Variants in CHST9 observed in about 807,000 individuals in gnomAD.
CHST9 encodes the protein GalNAc-4-sulfotransferase 2.
In CHST9, 41 loss-of-function variants were observed where a neutral mutation model predicts 44.4. The observed-to-expected ratio is 0.92, with a 90% CI of 0.72 to 1.20. The LOEUF (loss-of-function observed/expected upper bound fraction) is 1.20, where lower values mean the gene tolerates loss of function less well. CHST9 is among the 50% of genes most tolerant of loss of function. CHST9 has a pLI of 0.00. For missense variants in CHST9, 504 were observed against 516.5 expected, an observed-to-expected ratio of 0.98 and a Z score of 0.23; for synonymous variants, 171 against 178.4, an observed-to-expected ratio of 0.96 and a Z score of 0.33.
chr18:26,994,647 T>G (rs1168995582), intron 4 of CHST9, among the ~76,000 whole-genome samples: 1 of 152,116 alleles, frequency 6.6e-6, no homozygotes, highest in African/African-American at 2.4e-5. Flanking sequence ...TGAAGTGCAG[T>G]GGTGCAACCT....
At chr18:26,978,281 G>A (rs936792713) in intron 4 of CHST9, among the ~76,000 whole-genome samples, 8 of 133,568 alleles carry the variant, frequency 6.0e-5, no homozygotes, top group South Asian at 2.3e-4. Flanking sequence ...GTGTGAGTGT[G>A]TGTATGTGTG....
chr18:27,135,941 C>T (rs944933731), intron 2 of CHST9, among the ~76,000 whole-genome samples: 2 of 152,184 alleles, frequency 1.3e-5, no homozygotes, highest in African/African-American at 4.8e-5. Context: ...CTGCTTTCCA[C>T]ATTTTGGGTA....
chr18:27,157,621 A>G lies in CHST9; in HGVS notation c.-96-14716T>C, dbSNP rs139001254. On this transcript the variant is annotated intron_variant, in intron 1 of 5. Coordinates refer to ENST00000618847, the MANE Select transcript of CHST9 (RefSeq NM_031422.6). ...TATCTACTGACAAGAAACGTATAGG[A>G]AGCGCTTAAGGCATTTTCAAAAACC... Among the ~76,000 whole-genome samples the G allele has an allele frequency of 5.8e-3, 886 of 152,262 alleles. 12 individuals carry two copies. Among genetic ancestry groups the G allele is most frequent in the African/African-American group, 0.02 (838 of 41,564 alleles).
At chr18:27,104,632 A>G (rs2058204900) in intron 2 of CHST9, among the ~76,000 whole-genome samples, 1 of 152,172 alleles carries the variant, frequency 6.6e-6, no homozygotes, top group Admixed American at 6.5e-5. Flanking sequence ...CCTTTGGCTA[A>G]GCTGTTGATT....
At chr18:27,036,981 T>C (rs867744493) in intron 3 of CHST9, among the ~76,000 whole-genome samples, 16 of 152,126 alleles carry the variant, frequency 1.1e-4, no homozygotes, top group African/African-American at 3.9e-4. Flanking sequence ...CTAAATTTTG[T>C]CTTCAAGTCT....
chr18:26,975,645 G>GTA (rs2056608386), intron 4 of CHST9, among the ~76,000 whole-genome samples: 1 of 38,716 alleles, frequency 2.6e-5, no homozygotes, highest in Non-Finnish European at 5.0e-5. Flanking sequence ...TCCAATGTAT[G>GTA]TGTGTATATA....
chr18:27,089,939 T>C (rs1210225750), intron 2 of CHST9, among the ~76,000 whole-genome samples: 1 of 151,540 alleles, frequency 6.6e-6, no homozygotes, highest in Admixed American at 6.6e-5. Flanking sequence ...GCCTCCCCAG[T>C]AGCTGGGACT....
intron 5 of CHST9, among the ~76,000 whole-genome samples, chr18:26,931,929 G>T (rs551768233): frequency 6.6e-6 from 1 of 151,690 alleles, no homozygotes. Flanking sequence ...GCTCCAAAAT[G>T]GTATGTCTCT....
At chr18:26,963,159 G>A (rs1192615157) in intron 4 of CHST9, among the ~76,000 whole-genome samples, 1 of 152,148 alleles carries the variant, frequency 6.6e-6, no homozygotes, top group Non-Finnish European at 1.5e-5. Flanking sequence ...GGGGTCATAT[G>A]TGAACCCAAG....
intron 4 of CHST9, among the ~76,000 whole-genome samples, chr18:26,952,842 A>G (rs1043660841): frequency 3.3e-4 from 51 of 152,312 alleles, no homozygotes; most frequent in Middle Eastern, 3.4e-3. Flanking sequence ...GCAGAGAGAA[A>G]TAAGTGAAGA....
chr18:26,962,165 A>G (rs190065395), intron 4 of CHST9, among the ~76,000 whole-genome samples: 15 of 152,298 alleles, frequency 9.8e-5, no homozygotes, highest in Admixed American at 5.9e-4. Flanking sequence ...TCTAGTTCCC[A>G]TAACTGTTCA....
intron 2 of CHST9, among the ~76,000 whole-genome samples, chr18:27,090,976 T>A (rs775841978): frequency 7.9e-5 from 12 of 152,224 alleles, no homozygotes; most frequent in Non-Finnish European, 1.6e-4. Context: ...TTTCCAAATC[T>A]GTGAAGAAAG....
chr18:27,128,752 G>A (rs937997699), intron 2 of CHST9, among the ~76,000 whole-genome samples: 1 of 152,198 alleles, frequency 6.6e-6, no homozygotes, highest in Admixed American at 6.5e-5. Flanking sequence ...TGACTGTGTA[G>A]TATGATTAGT....
At position 27,149,095 on chromosome 18, in the gene CHST9, T is replaced by G. The variant is rs2143891640; in HGVS notation, c.-96-6190A>C. ...CTGTTCATATCCTTCACCCACTTTT[T>G]GATGGGGTTGTTTGTTTTTTTCTTG... is the stretch of plus-strand genomic sequence containing the variant. On this transcript the variant is annotated intron_variant, in intron 1 of 5. Coordinates refer to ENST00000618847, the MANE Select transcript of CHST9 (RefSeq NM_031422.6). Among the ~76,000 whole-genome samples, 2 of 128,820 alleles carry G rather than the reference T, an allele frequency of 1.6e-5. 1 individual carries two copies. The highest frequency in any genetic ancestry group is 9.1e-3 in the Middle Eastern group (2 of 220). 84.5% of individuals were successfully genotyped at this position (128,820 alleles called of 152,430 possible).
intron 4 of CHST9, among the ~76,000 whole-genome samples, chr18:27,015,323 TTGTGTGTGTGTGTGTGTGTGTG>T (rs10690815): frequency 6.8e-6 from 1 of 146,344 alleles, no homozygotes; most frequent in Non-Finnish European, 1.5e-5. Context: ...AGAGAGGCAG[TTGTGTGTGTGTGTGTGTGTGTG>T]TGTGTGTGTG....
chr18:27,125,050 T>C (rs1408693183), intron 2 of CHST9, among the ~76,000 whole-genome samples: 1 of 152,222 alleles, frequency 6.6e-6, no homozygotes, highest in Non-Finnish European at 1.5e-5. Context: ...TTTGGCTTTA[T>C]ACATCTGAAA....
chr18:26,957,050 G>A (rs994741671), intron 4 of CHST9, among the ~76,000 whole-genome samples: 3 of 152,140 alleles, frequency 2.0e-5, no homozygotes, highest in African/African-American at 4.8e-5. Flanking sequence ...TCAGCCCAGC[G>A]GGGGAAATTG....
intron 3 of CHST9, among the ~76,000 whole-genome samples, chr18:27,038,531 C>T (rs2057413117): frequency 6.6e-6 from 1 of 151,698 alleles, no homozygotes; most frequent in Non-Finnish European, 1.5e-5. Flanking sequence ...GAGCTAGACT[C>T]AGTTTCAAAA....
intron 4 of CHST9, among the ~76,000 whole-genome samples, chr18:26,977,988 G>A (rs1268919295): frequency 6.6e-6 from 1 of 151,950 alleles, no homozygotes; most frequent in Non-Finnish European, 1.5e-5. Flanking sequence ...TGCTAAATGA[G>A]TCCCCTTTGT....
Sources: gnomAD v4.1 joint callset for allele counts (sites outside exome capture counted in the v4.1 genomes callset) on GRCh38, gnomAD v4.1.1 for gene constraint, MANE v1.5 for transcripts, NCBI Gene and HGNC (gene_info 2026-07-23, HGNC 2026-07-21) for gene names.